The following PRDM16 variants were observed in gnomAD, a reference collection of about 807,000 sequenced individuals.
PRDM16 encodes PR/SET domain 16.
In PRDM16, 23 loss-of-function variants were observed where a neutral mutation model predicts 110.6. That is an observed-to-expected ratio of 0.21 (90% CI 0.15 to 0.29). The LOEUF (loss-of-function observed/expected upper bound fraction) is 0.29, where lower values mean the gene tolerates loss of function less well. PRDM16 is among the 10% of genes least tolerant of loss of function. The pLI is 1.00. For synonymous variants in PRDM16, 799 were observed against 781.8 expected, an observed-to-expected ratio of 1.02 and a Z score of -0.37; for missense variants, 1,615 against 1,794.3, an observed-to-expected ratio of 0.90 and a Z score of 1.81.
At chr1:3,162,219 G>A (rs775161807) in intron 1 of PRDM16, among the ~76,000 whole-genome samples, 3 of 152,080 alleles carry the variant, frequency 2.0e-5, no homozygotes, top group Non-Finnish European at 2.9e-5. Context: ...GGATTTTCCC[G>A]TCACCCCCCA....
chr1:3,137,370 C>T (rs1243929227), intron 1 of PRDM16, among the ~76,000 whole-genome samples: 1 of 152,236 alleles, frequency 6.6e-6, no homozygotes, highest in African/African-American at 2.4e-5. Flanking sequence ...CTCCCTCCTT[C>T]CTGCAAAGCC....
At chr1:3,308,911 G>A (rs1037252924) in intron 3 of PRDM16, 15 of 152,206 alleles carry the variant, frequency 9.9e-5, no homozygotes, top group Admixed American at 7.2e-4. Context: ...CCCGGCTATC[G>A]GGGCCCTGGT....
intron 1 of PRDM16, among the ~76,000 whole-genome samples, chr1:3,092,815 C>T (rs1395832392): frequency 6.6e-6 from 1 of 151,982 alleles, no homozygotes; most frequent in African/African-American, 2.4e-5. Flanking sequence ...GGGGCTGTCT[C>T]AGGGAGGACA....
At chr1:3,322,357 C>T (rs1315169814) in intron 3 of PRDM16, among the ~76,000 whole-genome samples, 1 of 152,140 alleles carries the variant, frequency 6.6e-6, no homozygotes, top group Non-Finnish European at 1.5e-5. Context: ...CATTTTCTTC[C>T]CCTCCGGAGC....
chr1:3,330,946 G>A (rs1490247372), intron 3 of PRDM16, among the ~76,000 whole-genome samples: 1 of 152,244 alleles, frequency 6.6e-6, no homozygotes, highest in Non-Finnish European at 1.5e-5. Flanking sequence ...AGGGTCAGGG[G>A]GTGAGGAGAT....
chr1:3,088,783 A>G (rs1642208734), intron 1 of PRDM16, among the ~76,000 whole-genome samples: 1 of 137,220 alleles, frequency 7.3e-6, no homozygotes, highest in South Asian at 2.3e-4. Flanking sequence ...ATTATTATTT[A>G]TTATTTATTT....
intron 3 of PRDM16, among the ~76,000 whole-genome samples, chr1:3,294,136 T>G (rs554449873): frequency 6.6e-6 from 1 of 151,186 alleles, no homozygotes; most frequent in South Asian, 2.1e-4. Flanking sequence ...GCCTACCAGG[T>G]AAACAGGCGA....
chr1:3,331,657 A>G (rs1012854833), intron 3 of PRDM16, among the ~76,000 whole-genome samples: 5 of 152,196 alleles, frequency 3.3e-5, no homozygotes, highest in African/African-American at 1.2e-4. Context: ...CCTGGTGCCC[A>G]GGGCCGCTGA....
chr1:3,139,996 G>A lies in PRDM16; in HGVS notation c.38-46129G>A, dbSNP rs74391931. ...ACAAACACGGCAGGCTGGAGTTCCC[G>A]CAGTCAGCCCCGGCGACGCATCTCC... On this transcript the variant is annotated intron_variant, in intron 1 of 16. Coordinates refer to ENST00000270722, the MANE Select transcript of PRDM16 (RefSeq NM_022114.4). Among the ~76,000 whole-genome samples, 297 of 152,364 alleles carry A rather than the reference G, an allele frequency of 1.9e-3. 3 individuals carry two copies. In the East Asian group the frequency reaches 0.038, roughly 19 times the overall value.
intron 3 of PRDM16, among the ~76,000 whole-genome samples, chr1:3,347,343 A>G (rs954092630): frequency 2.8e-4 from 43 of 152,224 alleles, no homozygotes; most frequent in African/African-American, 9.4e-4. Flanking sequence ...CAGGGCCTCC[A>G]TGCATGCTGG....
chr1:3,092,740 G>A (rs1454520105), intron 1 of PRDM16, among the ~76,000 whole-genome samples: 2 of 152,154 alleles, frequency 1.3e-5, no homozygotes, highest in Admixed American at 6.5e-5. Flanking sequence ...CACAAGCTGG[G>A]GGCTGATGCA....
intron 1 of PRDM16, among the ~76,000 whole-genome samples, chr1:3,131,878 C>G (rs1643342801): frequency 6.6e-6 from 1 of 152,228 alleles, no homozygotes; most frequent in African/African-American, 2.4e-5. Flanking sequence ...CCTCCTCCTC[C>G]CTCCTGGGCC....
chr1:3,252,608 G>A, intron 3 of PRDM16, among the ~76,000 whole-genome samples: 1 of 152,152 alleles, frequency 6.6e-6, no homozygotes, highest in East Asian at 1.9e-4. Flanking sequence ...GCCTGCCCTG[G>A]GGGTGGGGCT....
chr1:3,405,725 C>A, intron 8 of PRDM16, 77 bp downstream of exon 8: 6 of 1,419,546 alleles, frequency 4.2e-6, no homozygotes, highest in Non-Finnish European at 5.6e-6. Context: ...GTGGGCCATC[C>A]CCCAAGGTCT....
At chr1:3,115,933 C>G (rs568609653) in intron 1 of PRDM16, among the ~76,000 whole-genome samples, 1 of 152,198 alleles carries the variant, frequency 6.6e-6, no homozygotes, top group Non-Finnish European at 1.5e-5. Context: ...TGTCCAGCAT[C>G]TGGGGGGCTG....
chr1:3,123,742 C>T (rs74050117), intron 1 of PRDM16, among the ~76,000 whole-genome samples: 2,083 of 152,330 alleles, frequency 0.014, 42 homozygotes, highest in African/African-American at 0.046. Flanking sequence ...CCCGGTGGCC[C>T]GAGAAGCAGG....
Position 3,223,235 on chromosome 1 carries a change from A to C in PRDM16, c.388-20852A>C, listed in dbSNP as rs1319412397. ...CTTTCTGGAGTCTGGGAATTAGCAA[A>C]TGAACACACCCTGGGCCAGTTTTAA... On this transcript the variant is annotated intron_variant, in intron 2 of 16. Coordinates refer to ENST00000270722, the MANE Select transcript of PRDM16 (RefSeq NM_022114.4). 2.0e-5 allele frequency among the ~76,000 whole-genome samples: 3 copies of C among 150,652 alleles called. No individual in the cohort carries two copies. In the East Asian group the frequency reaches 5.9e-4, roughly 29 times the overall value.
At chr1:3,249,220 AG>A (rs1639868011) in intron 3 of PRDM16, among the ~76,000 whole-genome samples, 1 of 100,652 alleles carries the variant, frequency 9.9e-6, no homozygotes, top group Non-Finnish European at 2.0e-5. Context: ...GGAGGAAGGG[AG>A]TAGGGGGCAG....
At chr1:3,423,951 C>T (rs572397640) in intron 12 of PRDM16, among the ~76,000 whole-genome samples, 23 of 152,390 alleles carry the variant, frequency 1.5e-4, no homozygotes, top group African/African-American at 4.8e-4. Context: ...CCGCTGCGGG[C>T]GTTCTGATGA....
Sources: gnomAD v4.1 joint callset for allele counts (sites outside exome capture counted in the v4.1 genomes callset) on GRCh38, gnomAD v4.1.1 for gene constraint, MANE v1.5 for transcripts, NCBI Gene and HGNC (gene_info 2026-07-23, HGNC 2026-07-21) for gene names.